NF2: variants seen among roughly 807,000 people sequenced by gnomAD.
The protein encoded by NF2 is NF2, moesin-ezrin-radixin like (MERLIN) tumor suppressor, also known as merlin.
A neutral mutation model predicts 83.7 loss-of-function variants in NF2; 8 were observed. The observed-to-expected ratio is 0.10, with a 90% CI of 0.06 to 0.17. The LOEUF is 0.17. Ranked by LOEUF, NF2 falls within the 10% of genes least tolerant of loss-of-function variation. The probability of loss-of-function intolerance (pLI) is 1.00; values close to 1 mark genes in which losing one functional copy is unlikely to be tolerated. For missense variants in NF2, 533 were observed against 744.4 expected (o/e 0.72, Z 3.31); for synonymous variants, 266 against 269.6 (o/e 0.99, Z 0.13).
chr22:29,657,746 A>C (rs532147957), intron 6 of NF2, among the ~76,000 whole-genome samples: 2 of 152,370 alleles, frequency 1.3e-5, no homozygotes, highest in African/African-American at 4.8e-5. Flanking sequence ...AACAATACTC[A>C]GGAAGCTTGC....
chr22:29,645,419 C>G (rs2065956265), intron 4 of NF2, among the ~76,000 whole-genome samples: 3 of 152,194 alleles, frequency 2.0e-5, no homozygotes, highest in Admixed American at 2.0e-4. Context: ...CAATATTCTA[C>G]TTTCCTGAAA....
rs2065655065 is a variant in NF2, at chr22:29,636,669, C to T, written c.115-82C>T. 1 of 1,588,728 alleles carries T rather than the reference C, an allele frequency of 6.3e-7. No homozygotes were observed. The highest frequency in any genetic ancestry group is 1.3e-5 in the African/African-American group (1 of 74,416). On this transcript the variant is annotated intron_variant, in intron 1 of 15. Coordinates refer to ENST00000338641, the MANE Select transcript of NF2 (RefSeq NM_000268.4). This position sits in a 1 kb window ranked among gnomAD's most constrained non-coding sequence, Gnocchi z 4.4. The stretch of plus-strand genomic sequence containing the variant: ...TTAGTGTCATCCCCACGTTTTGGAA[C>T]CTGAGAGTGGAGAGTGCAGAGAAAA...
At chr22:29,679,092 A>G (rs1237792329) in intron 14 of NF2, among the ~76,000 whole-genome samples, 2 of 152,204 alleles carry the variant, frequency 1.3e-5, no homozygotes, top group Admixed American at 6.5e-5. Context: ...ACTTACAAAC[A>G]TCAAAATGAC....
intron 1 of NF2, among the ~76,000 whole-genome samples, chr22:29,612,170 G>A (rs2064969248): frequency 6.6e-6 from 1 of 152,030 alleles, no homozygotes; most frequent in Non-Finnish European, 1.5e-5. Flanking sequence ...ACCATGCCTG[G>A]CTAATTTTTG....
intron 1 of NF2, among the ~76,000 whole-genome samples, chr22:29,613,100 A>G (rs915599511): frequency 2.0e-5 from 3 of 152,256 alleles, no homozygotes; most frequent in Non-Finnish European, 4.4e-5. Context: ...CCATCTCAAA[A>G]AAAAAAAAGA....
intron 1 of NF2, among the ~76,000 whole-genome samples, chr22:29,619,346 G>T (rs564883704): frequency 6.7e-6 from 1 of 149,060 alleles, no homozygotes; most frequent in Admixed American, 6.7e-5. Flanking sequence ...CGCCTGGCCT[G>T]TTATCTACCT....
At chr22:29,667,774 C>T (rs2066667651) in intron 9 of NF2, among the ~76,000 whole-genome samples, 1 of 152,048 alleles carries the variant, frequency 6.6e-6, no homozygotes, top group Non-Finnish European at 1.5e-5. Flanking sequence ...TTAATGTAGA[C>T]AAATATATAC....
rs113760386 is a variant in NF2 at position 29,697,566 on chromosome 22, CT to C, written c.*2780del. On this transcript the variant is annotated 3_prime_UTR_variant, in exon 16 of 16. Transcript: ENST00000338641. ...TTCCTGTGGCTGGGATGACTGCATC[CT>C]TTTTTTTTTTTTTTTGAGACGGAGT... 0.033 allele frequency: 5,286 copies of C among 158,324 alleles called. No homozygotes were observed. The highest frequency in any genetic ancestry group is 0.12 in the East Asian group (1,098 of 8,790). 9.8% of individuals were successfully genotyped at this position (158,324 alleles called of 1,614,324 possible).
chr22:29,644,124 T>C (rs7290811), intron 4 of NF2, among the ~76,000 whole-genome samples: 96,091 of 149,058 alleles, frequency 0.64, 30,877 homozygotes, highest in East Asian at 0.8. Flanking sequence ...ACTTCTCATA[T>C]GGGGCGGCTG....
At position 29,636,690 on chromosome 22, in the gene NF2, GA is replaced by G; in HGVS notation, c.115-57del. On this transcript the variant is annotated intron_variant, in intron 1 of 15. Transcript: ENST00000338641. The surrounding 1 kb of genome is among the most constrained non-coding windows in gnomAD (Gnocchi z 4.4). ...GGAACCTGAGAGTGGAGAGTGCAGAGAAAAGGTTTTATTAATGATTTTTGCT... is the reference window on the plus strand; with the variant it reads ...GGAACCTGAGAGTGGAGAGTGCAGAGAAAGGTTTTATTAATGATTTTTGCT... 6.2e-7 allele frequency: 1 copy of G among 1,612,660 alleles called. No individual in the cohort carries two copies. The highest frequency in any genetic ancestry group is 8.5e-7 in the Non-Finnish European group (1 of 1,178,868).
intron 15 of NF2, chr22:29,682,847 C>T: frequency 2.7e-6 from 2 of 736,384 alleles, no homozygotes; most frequent in Non-Finnish European, 4.7e-6. Flanking sequence ...TGCCCTCAGC[C>T]ACAGAAACCT....
At chr22:29,631,104 C>T (rs763601708) in intron 1 of NF2, among the ~76,000 whole-genome samples, 5 of 152,254 alleles carry the variant, frequency 3.3e-5, no homozygotes, top group South Asian at 2.1e-4. Flanking sequence ...AATTGTCACA[C>T]GCACTGGGCT....
chr22:29,605,466 G>A (rs1038575527), intron 1 of NF2, among the ~76,000 whole-genome samples: 16 of 151,796 alleles, frequency 1.1e-4, no homozygotes, highest in African/African-American at 3.9e-4. Context: ...GAGCCACCCC[G>A]CCCAGCCTCA....
At chr22:29,672,309 C>CTTTTTT (rs779561094) in intron 11 of NF2, among the ~76,000 whole-genome samples, 2 of 123,624 alleles carry the variant, frequency 1.6e-5, no homozygotes, top group African/African-American at 3.0e-5. Flanking sequence ...CCACATGTCT[C>CTTTTTT]TTTTTTTTTT....
intron 1 of NF2, among the ~76,000 whole-genome samples, chr22:29,612,093 T>G (rs968130394): frequency 6.6e-6 from 1 of 152,144 alleles, no homozygotes; most frequent in Non-Finnish European, 1.5e-5. Flanking sequence ...CTGCAACCTC[T>G]GCCTCCCAGG....
At chr22:29,623,274 CTAGA>C (rs2065262262) in intron 1 of NF2, among the ~76,000 whole-genome samples, 1 of 152,108 alleles carries the variant, frequency 6.6e-6, no homozygotes, top group African/African-American at 2.4e-5. Context: ...TAGCTTCAAG[CTAGA>C]TATTGGAGGC....
In NF2 at chr22:29,667,163, T is replaced by G. The variant is rs149292963; in HGVS notation, c.886-1170T>G. Among the ~76,000 whole-genome samples, 448 of 152,296 alleles carry G rather than the reference T, an allele frequency of 2.9e-3. 2 individuals carry two copies. The highest frequency in any genetic ancestry group is 5.1e-3 in the Non-Finnish European group (345 of 68,030). On this transcript the variant is annotated intron_variant, in intron 9 of 15. Coordinates refer to ENST00000338641, the MANE Select transcript of NF2 (RefSeq NM_000268.4). ...GAAGTTTGTTTTTTGCTATCCTTAA[T>G]ACTTGTATTATCAGCCTTTTAAAAT...
intron 2 of NF2, among the ~76,000 whole-genome samples, chr22:29,638,469 G>T (rs2065707600): frequency 6.6e-6 from 1 of 151,674 alleles, no homozygotes; most frequent in South Asian, 2.1e-4. Context: ...TCCTGCCTCA[G>T]CCTCCCGAGT....
intron 1 of NF2, among the ~76,000 whole-genome samples, chr22:29,606,659 T>C (rs1285203303): frequency 1.3e-5 from 2 of 152,208 alleles, no homozygotes; most frequent in East Asian, 1.9e-4. Flanking sequence ...GCGGATTTAA[T>C]GGAGATGCAG....
Sources: gnomAD v4.1 joint callset for allele counts (sites outside exome capture counted in the v4.1 genomes callset) on GRCh38, gnomAD v4.1.1 for gene constraint, Gnocchi (gnomAD v3.1) non-coding constraint, MANE v1.5 for transcripts, NCBI Gene and HGNC (gene_info 2026-07-23, HGNC 2026-07-21) for gene names.